Variants in USP8 observed in about 807,000 individuals in gnomAD.
USP8 encodes ubiquitin specific peptidase 8.
USP8 carries 27 observed loss-of-function variants against 130.0 expected under a neutral mutation model. That is an observed-to-expected ratio of 0.21 (90% CI 0.15 to 0.29). USP8 has a LOEUF of 0.29. USP8 is among the 10% of genes least tolerant of loss of function. The probability of loss-of-function intolerance (pLI) is 1.00; values close to 1 mark genes in which losing one functional copy is unlikely to be tolerated. For synonymous variants in USP8, 392 were observed against 444.1 expected (o/e 0.88, Z 1.48); for missense variants, 1,029 against 1,312.2 (o/e 0.78, Z 3.33).
intron 15 of USP8, chr15:50,493,429 A>G (rs2052255013): frequency 1.9e-6 from 1 of 518,970 alleles, no homozygotes; most frequent in Admixed American, 1.9e-5. Context: ...GAAAAGTCAA[A>G]TTAGGAAAGG....
chr15:50,466,272 C>T (rs1434303861), intron 7 of USP8, among the ~76,000 whole-genome samples: 4 of 152,108 alleles, frequency 2.6e-5, no homozygotes, highest in African/African-American at 9.7e-5. Context: ...TGACCTGAAG[C>T]GTAGAGTGCT....
intron 3 of USP8, among the ~76,000 whole-genome samples, chr15:50,445,331 C>T (rs1453631967): frequency 7.0e-6 from 1 of 142,322 alleles, no homozygotes; most frequent in African/African-American, 2.6e-5. Context: ...GGATCACTTG[C>T]GGTCAGGAGT....
intron 1 of USP8, among the ~76,000 whole-genome samples, chr15:50,426,152 A>G (rs1385259300): frequency 1.3e-5 from 2 of 152,170 alleles, no homozygotes; most frequent in African/African-American, 4.8e-5. Flanking sequence ...CGTGGACATA[A>G]TGGAAAATAA....
Position 50,465,210 on chromosome 15 carries a change from A to C in USP8, c.686+19A>C. 1 of 1,610,402 alleles carries C rather than the reference A, an allele frequency of 6.2e-7. No individual in the cohort carries two copies. Among genetic ancestry groups the C allele is most frequent in the Non-Finnish European group, 8.5e-7 (1 of 1,178,260 alleles). ...GTCCAGGGTGGGTTATTGTGTAGTA[A>C]AGTAGTAAACTGTGTAGTAAGTAGT... On this transcript the variant is annotated intron_variant, in intron 7 of 19. Transcript: ENST00000307179.
intron 10 of USP8, among the ~76,000 whole-genome samples, chr15:50,478,323 C>T (rs992554205): frequency 6.6e-6 from 1 of 152,008 alleles, no homozygotes; most frequent in Non-Finnish European, 1.5e-5. Context: ...TTTTTATATC[C>T]TTCATTTGGC....
At chr15:50,441,017 G>C (rs1168495367) in intron 2 of USP8, among the ~76,000 whole-genome samples, 1 of 150,808 alleles carries the variant, frequency 6.6e-6, no homozygotes, top group African/African-American at 2.4e-5. Context: ...AAAAAAAAAG[G>C]AGTGCACAAC....
At chr15:50,447,038 T>C (rs1475848984) in intron 3 of USP8, among the ~76,000 whole-genome samples, 1 of 152,244 alleles carries the variant, frequency 6.6e-6, no homozygotes, top group Non-Finnish European at 1.5e-5. Flanking sequence ...CACATACTTT[T>C]TTGAAATTAA....
intron 8 of USP8, among the ~76,000 whole-genome samples, chr15:50,474,387 C>T (rs1390423967): frequency 6.6e-6 from 1 of 152,132 alleles, no homozygotes; most frequent in East Asian, 1.9e-4. Context: ...GTAGGAGGGT[C>T]AGCTGATTGC....
intron 8 of USP8, among the ~76,000 whole-genome samples, chr15:50,473,237 C>A (rs1357445138): frequency 6.6e-6 from 1 of 151,884 alleles, no homozygotes; most frequent in Non-Finnish European, 1.5e-5. Context: ...TAGGACCCCC[C>A]ACAAATAACA....
At chr15:50,471,182 C>G (rs752504475) in intron 7 of USP8, among the ~76,000 whole-genome samples, 5 of 152,160 alleles carry the variant, frequency 3.3e-5, no homozygotes, top group Non-Finnish European at 7.3e-5. Context: ...GTATCTGGCA[C>G]ATGGTAAATG....
At chr15:50,450,884 A>G (rs565383147) in intron 4 of USP8, among the ~76,000 whole-genome samples, 84 of 152,256 alleles carry the variant, frequency 5.5e-4, no homozygotes, top group African/African-American at 1.9e-3. Context: ...ATGTTAATAG[A>G]TAAAACCAAA....
At position 50,506,300 on chromosome 15, in the gene USP8, C is replaced by G. The variant is rs569613503; in HGVS notation, c.*7212C>G. 2 of 152,478 alleles carry G rather than the reference C, an allele frequency of 1.3e-5. No homozygotes were observed. The highest frequency in any genetic ancestry group is 4.1e-4 in the South Asian group (2 of 4,826). The allele number at this position is 152,478 out of a possible 1,614,324, so 9.4% of individuals were successfully genotyped here. A position where few individuals can be genotyped will look rare whatever the true frequency, so the allele number is the denominator to read the frequency against. On this transcript the variant is annotated 3_prime_UTR_variant, in exon 20 of 20. Transcript: ENST00000307179. The stretch of plus-strand genomic sequence containing the variant: ...GCGGCAAACCTACCCTGAGCACCGC[C>G]TCCTGTCAGATCAGCTGCTGCATTA...
intron 6 of USP8, 71 bp downstream of exon 6, chr15:50,462,393 G>C: frequency 7.4e-7 from 1 of 1,355,570 alleles, no homozygotes; most frequent in Non-Finnish European, 1.0e-6. Flanking sequence ...TAAGCATCAG[G>C]TTTTATACAA....
chr15:50,489,726 A>G (rs1595980636), intron 12 of USP8, 75 bp from the exon 13 acceptor site: 1 of 1,083,310 alleles, frequency 9.2e-7, no homozygotes, highest in East Asian at 3.2e-5. Flanking sequence ...TTAAGTTTTT[A>G]TATGACAAAA....
Position 50,512,988 on chromosome 15 carries a change from T to C in USP8, c.*13900T>C, listed in dbSNP as rs1277724568. On this transcript the variant is annotated 3_prime_UTR_variant, in exon 20 of 20. Transcript: ENST00000307179. ...CAAGGATCTAGAACATGTAAATGAC[T>C]CTTTCCAATCAATAAGAAGAAAAAT... 2 of 152,166 alleles carry C rather than the reference T, an allele frequency of 1.3e-5. No homozygotes were observed. The highest frequency in any genetic ancestry group is 4.8e-5 in the African/African-American group (2 of 41,440). The allele number at this position is 152,166 out of a possible 1,614,324, so 9.4% of individuals were successfully genotyped here. A position where few individuals can be genotyped will look rare whatever the true frequency, so the allele number is the denominator to read the frequency against.
At chr15:50,431,667 T>G (rs183342079) in intron 1 of USP8, among the ~76,000 whole-genome samples, 56 of 152,304 alleles carry the variant, frequency 3.7e-4, no homozygotes, top group African/African-American at 1.3e-3. Flanking sequence ...TTATTACTAT[T>G]TTTTCCGAGA....
chr15:50,471,104 A>G (rs905865780), intron 7 of USP8, among the ~76,000 whole-genome samples: 1 of 152,216 alleles, frequency 6.6e-6, no homozygotes, highest in African/African-American at 2.4e-5. Context: ...AATAGAAATA[A>G]TAATGTTCGT....
chr15:50,490,277 C>T lies in USP8; in HGVS notation c.1986C>T (p.Ile662=), dbSNP rs1169497457. Residue 662 remains isoleucine, a synonymous_variant, in exon 14 of 20, where the codon ATC becomes ATT. Transcript: ENST00000307179. ...PSGWAKFLDP[I]TGTFRYYHSP... is the part of the protein sequence containing the mutation. ...TTCCATCTAAGTTTCTTGACCCAATCACTGGAACCTTTCGTTATTATCATT... is the reference window on the plus strand; with the variant it reads ...TTCCATCTAAGTTTCTTGACCCAATTACTGGAACCTTTCGTTATTATCATT... 3 of 1,610,098 alleles carry T rather than the reference C, an allele frequency of 1.9e-6. No homozygotes were observed. The highest frequency in any genetic ancestry group is 2.7e-5 in the African/African-American group (2 of 74,422).
At chr15:50,439,790 C>CAATAATAATAAT (rs57780466) in intron 2 of USP8, among the ~76,000 whole-genome samples, 154 of 133,582 alleles carry the variant, frequency 1.2e-3, no homozygotes, top group East Asian at 5.9e-3. Flanking sequence ...AACTCTGTCT[C>CAATAATAATAAT]AATAATAATA....
Sources: gnomAD v4.1 joint callset for allele counts (sites outside exome capture counted in the v4.1 genomes callset) on GRCh38, gnomAD v4.1.1 for gene constraint, MANE v1.5 for transcripts, NCBI Gene and HGNC (gene_info 2026-07-23, HGNC 2026-07-21) for gene names.